Variants in PML observed in about 807,000 individuals in gnomAD.
PML encodes the protein PML nuclear body scaffold, also known as protein PML.
PML carries 28 observed loss-of-function variants against 65.2 expected under a neutral mutation model. That is an observed-to-expected ratio of 0.43 (90% CI 0.32 to 0.59). The LOEUF (loss-of-function observed/expected upper bound fraction) is 0.59. PML is among the 20% of genes least tolerant of loss of function. The probability of loss-of-function intolerance (pLI) is 0.08; values close to 1 mark genes in which losing one functional copy is unlikely to be tolerated. For missense variants in PML, 1,021 were observed against 1,203.4 expected (o/e 0.85, Z 2.24); for synonymous variants, 500 against 508.8 (o/e 0.98, Z 0.23).
chr15:74,034,261 G>A, intron 6 of PML: 1 of 640,302 alleles, frequency 1.6e-6, no homozygotes, highest in Non-Finnish European at 2.8e-6. Flanking sequence ...CATAGATAAG[G>A]CACAGCAAGA....
Position 74,035,460 on chromosome 15 carries a change from C to T in PML, c.1710+930C>T, listed in dbSNP as rs145160033. ...GTTGTACAGAGCACAGAGAGCCATC[C>T]GCCTTCGCCATGCCCTCCGCTTGCA... On this transcript the variant is annotated intron_variant, in intron 7 of 8. Transcript: ENST00000268058. This position sits in a 1 kb window ranked among gnomAD's most constrained non-coding sequence, Gnocchi z 4.1. 25 of 1,612,398 alleles carry T rather than the reference C, an allele frequency of 1.6e-5. No homozygotes were observed. The highest frequency in any genetic ancestry group is 2.2e-5 in the South Asian group (2 of 91,084).
chr15:73,999,048 A>G (rs1345415420), intron 2 of PML, among the ~76,000 whole-genome samples: 3 of 152,216 alleles, frequency 2.0e-5, no homozygotes, highest in African/African-American at 7.2e-5. Flanking sequence ...ATACATTCGT[A>G]CAGTTCACGA....
At chr15:74,040,143 T>A (rs986104650) in intron 7 of PML, among the ~76,000 whole-genome samples, 1 of 152,196 alleles carries the variant, frequency 6.6e-6, no homozygotes, top group East Asian at 1.9e-4. Flanking sequence ...AAAGAAACAA[T>A]GTCCATTAAC....
At chr15:74,009,652 C>A (rs2070228131) in intron 2 of PML, among the ~76,000 whole-genome samples, 1 of 152,054 alleles carries the variant, frequency 6.6e-6, no homozygotes, top group African/African-American at 2.4e-5. Context: ...GATCTGACAC[C>A]CAGGCTGGAG....
In PML at chr15:74,033,212, C is replaced by T. The variant is rs754360816; in HGVS notation, c.1455C>T (p.Pro485=). Residue 485 remains proline, a synonymous_variant, in exon 6 of 9, where the codon CCC becomes CCT. Transcript: ENST00000268058. Reference sequence around the variant, plus strand: ...GGAAGTGCAGCCAGACCCAGTGCCCCAGGAAGGTCATCAAGATGGAGTCTG... The same window carrying T: ...GGAAGTGCAGCCAGACCCAGTGCCCTAGGAAGGTCATCAAGATGGAGTCTG... ...QKRKCSQTQC[P]RKVIKMESEE... 6.2e-7 allele frequency: 1 copy of T among 1,614,172 alleles called. No homozygotes were observed. Among genetic ancestry groups the T allele is most frequent in the South Asian group, 1.1e-5 (1 of 91,086 alleles).
At chr15:74,009,507 A>G (rs1313803218) in intron 2 of PML, among the ~76,000 whole-genome samples, 3 of 152,216 alleles carry the variant, frequency 2.0e-5, no homozygotes, top group Non-Finnish European at 4.4e-5. Flanking sequence ...TAGTTTTTCT[A>G]TGAACTTATC....
At chr15:74,012,918 A>G (rs941041406) in intron 2 of PML, among the ~76,000 whole-genome samples, 8 of 152,188 alleles carry the variant, frequency 5.3e-5, no homozygotes, top group African/African-American at 1.7e-4. Context: ...TACTTGAATA[A>G]TATCTCGGCT....
Position 74,044,404 on chromosome 15 carries a change from C to T in PML, c.2045C>T (p.Pro682Leu). Residue 682 changes from proline to leucine, a missense_variant, in exon 9 of 9, where the codon CCT becomes CTT. Transcript: ENST00000268058. The part of the protein sequence containing the change: ...PILACYKLWG[P>L]GLPNFFRALE... Reference sequence around the variant, plus strand: ...TTGGCCTGCTACAAGCTGTGGGGGCCTGGCCTCCCAAACTTCTTCCGGGCC... The same window carrying T: ...TTGGCCTGCTACAAGCTGTGGGGGCTTGGCCTCCCAAACTTCTTCCGGGCC... The T allele has an allele frequency of 6.2e-7, 1 of 1,614,242 alleles. No individual in the cohort carries two copies. Among genetic ancestry groups the T allele is most frequent in the African/African-American group, 1.3e-5 (1 of 75,068 alleles).
chr15:74,010,549 C>T (rs949421735), intron 2 of PML, among the ~76,000 whole-genome samples: 1 of 150,730 alleles, frequency 6.6e-6, no homozygotes, highest in African/African-American at 2.4e-5. Context: ...AATTAACAAG[C>T]TTTTCTCATT....
chr15:74,034,255 G>T, intron 6 of PML: 1 of 628,514 alleles, frequency 1.6e-6, no homozygotes. Context: ...AATATTCATA[G>T]ATAAGGCACA....
At chr15:74,025,019 G>A in intron 4 of PML, 92 bp downstream of exon 4, 3 of 850,696 alleles carry the variant, frequency 3.5e-6, no homozygotes, top group Non-Finnish European at 2.0e-6. Context: ...TGCAGGGAGA[G>A]CGTCTGAGTG....
Position 74,004,710 on chromosome 15 carries a change from T to C in PML, c.602+6234T>C, listed in dbSNP as rs144603182. Among the ~76,000 whole-genome samples the C allele has an allele frequency of 4.7e-3, 708 of 152,214 alleles. 4 individuals carry two copies. Among genetic ancestry groups the C allele is most frequent in the African/African-American group, 0.016 (664 of 41,516 alleles). On this transcript the variant is annotated intron_variant, in intron 2 of 8. Transcript: ENST00000268058. ...TCTTCATCTCAGGGAAATTGTATTC[T>C]GCTTTTTAATTTTTTTTTTTTTTTT...
chr15:74,047,116 C>T lies in PML; in HGVS notation c.*2108C>T. The stretch of plus-strand genomic sequence containing the variant: ...GTCAGGAACTAGAGACCAGAGTCTG[C>T]AGGAACTTTGCCACTGCCCTTCACT... On this transcript the variant is annotated 3_prime_UTR_variant, in exon 9 of 9. Coordinates refer to ENST00000268058, the MANE Select transcript of PML (RefSeq NM_033238.3). 4.3e-6 allele frequency: 1 copy of T among 230,452 alleles called. No homozygotes were observed. Among genetic ancestry groups the T allele is most frequent in the Non-Finnish European group, 8.6e-6 (1 of 116,244 alleles). The allele number at this position is 230,452 out of a possible 1,614,324, so 14.3% of individuals were successfully genotyped here.
chr15:74,021,962 C>A (rs75597342), intron 2 of PML, among the ~76,000 whole-genome samples: 6,309 of 149,270 alleles, frequency 0.042, 161 homozygotes, highest in African/African-American at 0.06. Context: ...TGATTTATTT[C>A]TTTCTTTTTT....
chr15:74,047,529 G>A lies in PML; in HGVS notation c.*2521G>A. The stretch of plus-strand genomic sequence containing the variant: ...TCAGGTGTTTACGTGTCAACTAATG[G>A]GAGCTTACTGGGTTAGAAGTCAGGA... On this transcript the variant is annotated 3_prime_UTR_variant, in exon 9 of 9. Transcript: ENST00000268058. 1 of 218,696 alleles carries A rather than the reference G, an allele frequency of 4.6e-6. No individual in the cohort carries two copies. Among genetic ancestry groups the A allele is most frequent in the Admixed American group, 5.8e-5 (1 of 17,268 alleles). The allele number at this position is 218,696 out of a possible 1,614,324, so 13.5% of individuals were successfully genotyped here. A position where few individuals can be genotyped will look rare whatever the true frequency, so the allele number is the denominator to read the frequency against.
At position 74,042,894 on chromosome 15, in the gene PML, G is replaced by A. The variant is rs190073882; in HGVS notation, c.1711-95G>A. 79 of 1,605,184 alleles carry A rather than the reference G, an allele frequency of 4.9e-5. No homozygotes were observed. The African/African-American group carries it at 7.0e-4, about 14-fold the overall frequency. Reference sequence around the variant, plus strand: ...GTGGTACACCCTCCTTCATGTGCACGCAGATGCTCCCAGCTATACCAGCTT... The same window carrying A: ...GTGGTACACCCTCCTTCATGTGCACACAGATGCTCCCAGCTATACCAGCTT... On this transcript the variant is annotated intron_variant, in intron 7 of 8. Coordinates refer to ENST00000268058, the MANE Select transcript of PML (RefSeq NM_033238.3). The surrounding 1 kb of genome is among the most constrained non-coding windows in gnomAD (Gnocchi z 5.3).
Position 74,045,754 on chromosome 15 carries a change from C to T in PML, c.*746C>T, listed in dbSNP as rs2071764228. Reference sequence around the variant, plus strand: ...TGGCCCTTGGCTCTTCCTGCACTGCCCTCACCCTCAGCCGTCCCAAGGAGT... The same window carrying T: ...TGGCCCTTGGCTCTTCCTGCACTGCTCTCACCCTCAGCCGTCCCAAGGAGT... On this transcript the variant is annotated 3_prime_UTR_variant, in exon 9 of 9. Transcript: ENST00000268058. 1 of 233,518 alleles carries T rather than the reference C, an allele frequency of 4.3e-6. No individual in the cohort carries two copies. The highest frequency in any genetic ancestry group is 6.1e-5 in the East Asian group (1 of 16,518). The allele number at this position is 233,518 out of a possible 1,614,324, so 14.5% of individuals were successfully genotyped here. A position where few individuals can be genotyped will look rare whatever the true frequency, so the allele number is the denominator to read the frequency against.
At chr15:74,033,591 C>T (rs1235734982) in intron 6 of PML, 177 bp downstream of exon 6, 2 of 761,632 alleles carry the variant, frequency 2.6e-6, no homozygotes, top group East Asian at 2.7e-5. Flanking sequence ...ACACAGTTTA[C>T]CATGTGTTTT....
Position 74,040,888 on chromosome 15 carries a change from C to A in PML, c.1711-2101C>A, listed in dbSNP as rs146219779. Among the ~76,000 whole-genome samples the A allele has an allele frequency of 2.2e-4, 33 of 152,304 alleles. No homozygotes were observed. The East Asian group carries it at 5.4e-3, about 25-fold the overall frequency. On this transcript the variant is annotated intron_variant, in intron 7 of 8. Coordinates refer to ENST00000268058, the MANE Select transcript of PML (RefSeq NM_033238.3). ...AGTAAGTTTAGGACAAAGGACATTTCCCTGGCCCCGGGACAATGGAAGGCT... is the reference window on the plus strand; with the variant it reads ...AGTAAGTTTAGGACAAAGGACATTTACCTGGCCCCGGGACAATGGAAGGCT...
Sources: allele counts gnomAD v4.1 joint callset (sites outside exome capture counted in the v4.1 genomes callset), GRCh38; gene constraint gnomAD v4.1.1; non-coding constraint Gnocchi (gnomAD v3.1); transcripts MANE v1.5; gene names NCBI Gene and HGNC (gene_info 2026-07-23, HGNC 2026-07-21).